Variants in RUNX1 observed in about 807,000 individuals in gnomAD.
RUNX1 encodes the protein RUNX family transcription factor 1, also known as runt-related transcription factor 1.
In RUNX1, 19 loss-of-function variants were observed where a neutral mutation model predicts 42.8. That is an observed-to-expected ratio of 0.44 (90% confidence interval 0.31 to 0.65). The LOEUF is 0.65. Among genes scored for constraint, RUNX1 ranks in the 30% least tolerant of loss-of-function variants. RUNX1 has a pLI of 0.07. For missense variants in RUNX1, 528 were observed against 672.0 expected, an observed-to-expected ratio of 0.79 and a Z score of 2.37; for synonymous variants, 271 against 289.4, an observed-to-expected ratio of 0.94 and a Z score of 0.64.
chr21:34,854,483 G>A (rs1171936938), intron 6 of RUNX1, among the ~76,000 whole-genome samples: 2 of 151,836 alleles, frequency 1.3e-5, no homozygotes, highest in African/African-American at 4.8e-5. Flanking sequence ...TACTCAGGAG[G>A]CTGAGGCAGG....
At chr21:34,852,833 C>T (rs1160708638) in intron 6 of RUNX1, among the ~76,000 whole-genome samples, 1 of 152,204 alleles carries the variant, frequency 6.6e-6, no homozygotes, top group Non-Finnish European at 1.5e-5. Flanking sequence ...AGTAGCTCAT[C>T]ATTCACTACC....
At chr21:34,863,796 C>T (rs111752165) in intron 5 of RUNX1, among the ~76,000 whole-genome samples, 2 of 151,890 alleles carry the variant, frequency 1.3e-5, no homozygotes, top group African/African-American at 4.8e-5. Flanking sequence ...CATTGTGATC[C>T]GCCCACCTTG....
chr21:35,024,385 A>G (rs2059221175), intron 2 of RUNX1, among the ~76,000 whole-genome samples: 1 of 152,240 alleles, frequency 6.6e-6, no homozygotes, highest in African/African-American at 2.4e-5. Flanking sequence ...CAAGAGAGAG[A>G]AACACACTTC....
intron 7 of RUNX1, among the ~76,000 whole-genome samples, chr21:34,818,341 AAGG>A (rs1417783058): frequency 1.3e-5 from 2 of 152,256 alleles, no homozygotes; most frequent in Non-Finnish European, 2.9e-5. Flanking sequence ...TTCCAAAAGT[AAGG>A]AGAAGTTTAT....
At chr21:34,848,151 A>G (rs2057343796) in intron 6 of RUNX1, among the ~76,000 whole-genome samples, 1 of 152,196 alleles carries the variant, frequency 6.6e-6, no homozygotes, top group African/African-American at 2.4e-5. Flanking sequence ...AATAATCCCC[A>G]ACAGAGGGAT....
chr21:34,835,795 A>C (rs2057137405), intron 6 of RUNX1, among the ~76,000 whole-genome samples: 1 of 152,124 alleles, frequency 6.6e-6, no homozygotes, highest in Non-Finnish European at 1.5e-5. Context: ...TGCCCCCATA[A>C]AGTGCTATTT....
At chr21:35,044,115 G>C (rs747347054) in intron 2 of RUNX1, among the ~76,000 whole-genome samples, 2 of 152,174 alleles carry the variant, frequency 1.3e-5, no homozygotes, top group Non-Finnish European at 2.9e-5. Context: ...TTTTCCACAA[G>C]GGAAGGAAGG....
At chr21:34,902,183 C>CA (rs1347851082) in intron 2 of RUNX1, among the ~76,000 whole-genome samples, 16 of 152,182 alleles carry the variant, frequency 1.1e-4, no homozygotes, top group Admixed American at 8.5e-4. Flanking sequence ...TTTACTCTTT[C>CA]ACTAGGAGAA....
intron 2 of RUNX1, among the ~76,000 whole-genome samples, chr21:35,009,892 A>T (rs1463374711): frequency 6.6e-6 from 1 of 152,196 alleles, no homozygotes; most frequent in African/African-American, 2.4e-5. Context: ...GTTTTCTTAT[A>T]TGTAAAAGAT....
intron 7 of RUNX1, among the ~76,000 whole-genome samples, chr21:34,811,903 T>C (rs2056763547): frequency 6.6e-6 from 1 of 152,052 alleles, no homozygotes; most frequent in African/African-American, 2.4e-5. Flanking sequence ...GTAGTGTTTA[T>C]TATACCTCTG....
At chr21:34,820,349 C>T (rs1443414108) in intron 7 of RUNX1, among the ~76,000 whole-genome samples, 2 of 152,062 alleles carry the variant, frequency 1.3e-5, no homozygotes, top group Non-Finnish European at 1.5e-5. Flanking sequence ...TCCTTGCATG[C>T]TTTAAGAATC....
At chr21:34,823,520 T>G (rs1021428392) in intron 7 of RUNX1, among the ~76,000 whole-genome samples, 19 of 141,610 alleles carry the variant, frequency 1.3e-4, no homozygotes, top group Non-Finnish European at 2.7e-4. Context: ...CTCGGCTCAC[T>G]GCAACCTCTG....
At chr21:34,895,460 A>C (rs576893981) in intron 2 of RUNX1, among the ~76,000 whole-genome samples, 1 of 152,322 alleles carries the variant, frequency 6.6e-6, no homozygotes, top group South Asian at 2.1e-4. Flanking sequence ...ATATAAGAGG[A>C]AGAGGGGCCA....
chr21:34,925,402 T>C (rs757240645), intron 2 of RUNX1, among the ~76,000 whole-genome samples: 1 of 152,134 alleles, frequency 6.6e-6, no homozygotes, highest in Non-Finnish European at 1.5e-5. Flanking sequence ...AGATGGGTCA[T>C]TATGGAGGGT....
At chr21:34,884,562 T>TA (rs1569082188) in intron 4 of RUNX1, among the ~76,000 whole-genome samples, 1 of 152,232 alleles carries the variant, frequency 6.6e-6, no homozygotes, top group Non-Finnish European at 1.5e-5. Context: ...GGTGGGCAGA[T>TA]AGAGTGAAGC....
intron 2 of RUNX1, among the ~76,000 whole-genome samples, chr21:34,988,075 C>A (rs906523544): frequency 4.6e-5 from 7 of 152,184 alleles, no homozygotes; most frequent in African/African-American, 1.7e-4. Context: ...AAATTTCTAG[C>A]ATCCTATAAT....
intron 2 of RUNX1, among the ~76,000 whole-genome samples, chr21:34,906,712 T>C (rs1055682817): frequency 2.0e-5 from 3 of 152,184 alleles, no homozygotes; most frequent in Non-Finnish European, 2.9e-5. Flanking sequence ...AGACAATGAC[T>C]TTCCCAAAGG....
chr21:35,046,778 T>C (rs147971460), intron 2 of RUNX1, among the ~76,000 whole-genome samples: 2 of 152,242 alleles, frequency 1.3e-5, no homozygotes, highest in East Asian at 3.9e-4. Context: ...AATCTCAATA[T>C]TATATTACCA....
intron 5 of RUNX1, among the ~76,000 whole-genome samples, chr21:34,878,359 A>T (rs887035313): frequency 6.9e-6 from 1 of 144,308 alleles, no homozygotes; most frequent in South Asian, 2.1e-4. Context: ...AAAAAAAAAA[A>T]AATATATATA....
Sources: gnomAD v4.1 joint callset for allele counts (sites outside exome capture counted in the v4.1 genomes callset) on GRCh38, gnomAD v4.1.1 for gene constraint, MANE v1.5 for transcripts, NCBI Gene and HGNC (gene_info 2026-07-23, HGNC 2026-07-21) for gene names.